Variants in MKLN1 observed in about 807,000 individuals in gnomAD.
MKLN1 encodes the protein muskelin 1.
Under a neutral mutation model 99.0 loss-of-function variants are expected in MKLN1, and 18 were observed. That is an observed-to-expected ratio of 0.18 (90% CI 0.13 to 0.27). The LOEUF (loss-of-function observed/expected upper bound fraction) is 0.27. Among genes scored for constraint, MKLN1 ranks in the 10% least tolerant of loss-of-function variants. The probability of loss-of-function intolerance (pLI) is 1.00; values close to 1 mark genes in which losing one functional copy is unlikely to be tolerated. For missense variants in MKLN1, 621 were observed against 875.9 expected (o/e 0.71, Z 3.67); for synonymous variants, 288 against 293.2 (o/e 0.98, Z 0.18).
chr7:131,342,064 T>C (rs1799423245), intron 1 of MKLN1, among the ~76,000 whole-genome samples: 1 of 152,236 alleles, frequency 6.6e-6, no homozygotes, highest in Non-Finnish European at 1.5e-5. Context: ...TGGACATGGT[T>C]TCATTTCTTG....
intron 4 of MKLN1, among the ~76,000 whole-genome samples, chr7:131,396,490 G>A (rs1433091965): frequency 2.0e-5 from 3 of 152,092 alleles, no homozygotes; most frequent in Non-Finnish European, 4.4e-5. Context: ...AAATAGTAGA[G>A]ATATTGGACA....
chr7:131,113,883 A>G (rs1184737121), intron 1 of MKLN1, among the ~76,000 whole-genome samples: 2 of 152,072 alleles, frequency 1.3e-5, no homozygotes, highest in Non-Finnish European at 2.9e-5. Context: ...TGCGGGGGAA[A>G]CTGACACTTT....
At chr7:131,231,357 C>T (rs529195173) in intron 3 of MKLN1, among the ~76,000 whole-genome samples, 1 of 152,182 alleles carries the variant, frequency 6.6e-6, no homozygotes, top group African/African-American at 2.4e-5. Context: ...CGTTTCTTCC[C>T]CCTGTGTATC....
intron 9 of MKLN1, among the ~76,000 whole-genome samples, chr7:131,430,199 A>T (rs2116435189): frequency 6.6e-6 from 1 of 152,300 alleles, no homozygotes; most frequent in East Asian, 1.9e-4. Context: ...ATTTTGATCT[A>T]GGAAGGCCAT....
intron 17 of MKLN1, among the ~76,000 whole-genome samples, chr7:131,480,685 G>T (rs554057019): frequency 6.6e-6 from 1 of 152,280 alleles, no homozygotes; most frequent in South Asian, 2.1e-4. Flanking sequence ...CTGTGAGCTG[G>T]AGAACCTAGG....
chr7:131,152,233 G>C (rs1795898123), intron 2 of MKLN1, among the ~76,000 whole-genome samples: 1 of 152,032 alleles, frequency 6.6e-6, no homozygotes, highest in Admixed American at 6.6e-5. Flanking sequence ...AAGGTGGGAG[G>C]ATCATTTGAG....
At chr7:131,292,723 T>A (rs141635898) in intron 3 of MKLN1, among the ~76,000 whole-genome samples, 2 of 152,334 alleles carry the variant, frequency 1.3e-5, no homozygotes, top group East Asian at 3.9e-4. Flanking sequence ...TACTTCCAGC[T>A]TCCAGACAAT....
At chr7:131,327,578 C>G, upstream of MKLN1, 1 of 295,090 alleles carries the variant, frequency 3.4e-6, no homozygotes, top group Non-Finnish European at 6.3e-6. Context: ...ATAACTACAA[C>G]GTGTTTCTGT....
intron 3 of MKLN1, among the ~76,000 whole-genome samples, chr7:131,224,645 C>T (rs926769076): frequency 6.0e-5 from 9 of 149,128 alleles, no homozygotes; most frequent in African/African-American, 1.2e-4. Flanking sequence ...GGGAGGCTGA[C>T]GCCAGAGGAT....
At chr7:131,144,071 G>A (rs1474354390) in intron 2 of MKLN1, among the ~76,000 whole-genome samples, 1 of 152,134 alleles carries the variant, frequency 6.6e-6, no homozygotes, top group Non-Finnish European at 1.5e-5. Context: ...TTCCTAGAAT[G>A]TAAGCATTAT....
At chr7:131,282,926 C>T (rs1357703492) in intron 3 of MKLN1, among the ~76,000 whole-genome samples, 7 of 152,290 alleles carry the variant, frequency 4.6e-5, no homozygotes, top group African/African-American at 1.2e-4. Context: ...GATTTCCACA[C>T]GTGGACCAAT....
At chr7:131,326,293 C>A (rs1016284007), upstream of MKLN1, among the ~76,000 whole-genome samples, 1 of 152,186 alleles carries the variant, frequency 6.6e-6, no homozygotes, top group African/African-American at 2.4e-5. Context: ...GGAACACATG[C>A]TTTTCCAACC....
chr7:131,444,220 T>A (rs1049917492), intron 11 of MKLN1, among the ~76,000 whole-genome samples: 7 of 151,694 alleles, frequency 4.6e-5, no homozygotes, highest in African/African-American at 9.7e-5. Context: ...CGTGGTGACC[T>A]GTGCCTGTAG....
At chr7:131,307,331 T>C (rs1399951186) in intron 3 of MKLN1, among the ~76,000 whole-genome samples, 1 of 151,850 alleles carries the variant, frequency 6.6e-6, no homozygotes, top group Non-Finnish European at 1.5e-5. Context: ...AGAGGGGAAA[T>C]GTGGAATGCG....
chr7:131,493,494 G>A lies in MKLN1; in HGVS notation c.*5766G>A, dbSNP rs1280684258. ...ACTACCAAAAGGCCTCAAAGCTCAT[G>A]CTTCTAGAATATTCAGTAATTCTGA... On this transcript the variant is annotated 3_prime_UTR_variant, in exon 18 of 18. Transcript: ENST00000352689. 2 of 152,204 alleles carry A rather than the reference G, an allele frequency of 1.3e-5. No individual in the cohort carries two copies. Among genetic ancestry groups the A allele is most frequent in the Non-Finnish European group, 2.9e-5 (2 of 68,032 alleles). The allele number at this position is 152,204 out of a possible 1,614,324, so 9.4% of individuals were successfully genotyped here.
chr7:131,283,844 G>T (rs1011039368), intron 3 of MKLN1, among the ~76,000 whole-genome samples: 1 of 152,134 alleles, frequency 6.6e-6, no homozygotes, highest in Admixed American at 6.5e-5. Context: ...GGCAAGTTTT[G>T]CATGTTTAAA....
chr7:131,407,498 G>A (rs996405418), intron 6 of MKLN1, among the ~76,000 whole-genome samples: 14 of 152,010 alleles, frequency 9.2e-5, no homozygotes, highest in African/African-American at 2.9e-4. Context: ...ATATTTTAAT[G>A]TGGTGAATTT....
intron 6 of MKLN1, among the ~76,000 whole-genome samples, chr7:131,403,568 C>A (rs1584703920): frequency 6.6e-6 from 1 of 152,182 alleles, no homozygotes; most frequent in African/African-American, 2.4e-5. Context: ...ACATGCCTTC[C>A]TCCCTAAGTT....
chr7:131,241,752 T>C (rs1233100084), intron 3 of MKLN1, among the ~76,000 whole-genome samples: 1 of 152,258 alleles, frequency 6.6e-6, no homozygotes, highest in Non-Finnish European at 1.5e-5. Flanking sequence ...AATTAATGCT[T>C]GGATGATAGG....
Sources: gnomAD v4.1 joint callset for allele counts (sites outside exome capture counted in the v4.1 genomes callset) on GRCh38, gnomAD v4.1.1 for gene constraint, MANE v1.5 for transcripts, NCBI Gene and HGNC (gene_info 2026-07-23, HGNC 2026-07-21) for gene names.